Variants in PCDHB9 observed in about 807,000 individuals in gnomAD.
The protein encoded by PCDHB9 is protocadherin beta-9.
For missense variants in PCDHB9, 1,072 were observed against 995.1 expected, an observed-to-expected ratio of 1.08 and a Z score of -1.04; for synonymous variants, 501 against 439.7, an observed-to-expected ratio of 1.14 and a Z score of -1.75.
chr5:141,189,359 G>A lies in PCDHB9; in HGVS notation c.2041G>A (p.Ala681Thr), dbSNP rs782294421. 9 of 1,611,366 alleles carry A rather than the reference G, an allele frequency of 5.6e-6. No individual in the cohort carries two copies. In the Middle Eastern group the frequency reaches 5.7e-4, roughly 102 times the overall value. ...LPLPEAAPAQ[A>T]QADLLTVYLV... ...TCTCCCGGAGGCGGCCCCGGCCCAG[G>A]CCCAGGCCGACTTGCTCACCGTCTA... is the stretch of plus-strand genomic sequence containing the variant. Residue 681 changes from alanine to threonine, a missense_variant, in exon 1 of 1, where the codon GCC becomes ACC. Physicochemically the swap from Ala to Thr is moderately conservative, Grantham distance 58. Coordinates refer to ENST00000316105, the MANE Select transcript of PCDHB9 (RefSeq NM_019119.5).
In PCDHB9 at chr5:141,190,813, G is replaced by A. The variant is rs1353306561; in HGVS notation, c.*1101G>A. ...GTGCCATCCAGTTGAAAAAACAACA[G>A]CAATCACAAAGTAGAGGTTTATATT... On this transcript the variant is annotated 3_prime_UTR_variant, in exon 1 of 1. Transcript: ENST00000316105. 1 of 152,092 alleles carries A rather than the reference G, an allele frequency of 6.6e-6. No individual in the cohort carries two copies. Among genetic ancestry groups the A allele is most frequent in the Non-Finnish European group, 1.5e-5 (1 of 68,042 alleles). The allele number at this position is 152,092 out of a possible 1,614,324, so 9.4% of individuals were successfully genotyped here. A position where few individuals can be genotyped will look rare whatever the true frequency, so the allele number is the denominator to read the frequency against.
rs1753790841 is a variant in PCDHB9 at position 141,188,273 on chromosome 5, A to T, written c.955A>T (p.Ile319Leu). Residue 319 changes from isoleucine (I) to leucine (L), a missense_variant, in exon 1 of 1, where the codon ATA becomes TTA. Physicochemically the swap from Ile to Leu is conservative, Grantham distance 5. Coordinates refer to ENST00000316105, the MANE Select transcript of PCDHB9 (RefSeq NM_019119.5). ...YELVNSYKINIQAMDGGGLSA... is the reference protein window; with the variant it reads ...YELVNSYKINLQAMDGGGLSA... ...GTTAGTAAATTCTTACAAAATAAAT[A>T]TACAGGCAATGGACGGCGGAGGCCT... 1 of 1,614,098 alleles carries T rather than the reference A, an allele frequency of 6.2e-7. No homozygotes were observed. Among genetic ancestry groups the T allele is most frequent in the African/African-American group, 1.3e-5 (1 of 75,060 alleles).
In PCDHB9 at chr5:141,188,349, C is replaced by T. The variant is rs782554981; in HGVS notation, c.1031C>T (p.Pro344Leu). The T allele has an allele frequency of 1.2e-6, 2 of 1,614,076 alleles. No individual in the cohort carries two copies. The highest frequency in any genetic ancestry group is 1.1e-5 in the South Asian group (1 of 91,080). The part of the protein sequence containing the change: ...LIKVLDSNDN[P>L]PELIISSLSN... ...AAAGTATTAGATTCCAATGACAATC[C>T]TCCTGAACTGATCATATCATCACTT... is the stretch of plus-strand genomic sequence containing the variant. The change falls in exon 1 of 1, where the codon CCT (proline) becomes CTT (leucine). Residue 344 changes from proline (P) to leucine (L), a missense_variant. By Grantham distance (98) the Pro-to-Leu change is moderately conservative. Transcript: ENST00000316105.
At position 141,187,530 on chromosome 5, in the gene PCDHB9, A is replaced by G. The variant is rs1554282812; in HGVS notation, c.212A>G (p.Asn71Ser). Residue 71 changes from asparagine to serine, a missense_variant, in exon 1 of 1, where the codon AAC (asparagine) becomes AGC (serine). Asn to Ser is a conservative substitution (Grantham distance 46, BLOSUM62 1). Transcript: ENST00000316105. ...GGAACCAGGGTGGTTTCCGATGATA[A>G]CAAACAATACCTGCTCCTGGATTCA... ...ARGTRVVSDDNKQYLLLDSHT... is the reference protein window; with the variant it reads ...ARGTRVVSDDSKQYLLLDSHT... 4 of 1,608,818 alleles carry G rather than the reference A, an allele frequency of 2.5e-6. No homozygotes were observed. The highest frequency in any genetic ancestry group is 2.2e-5 in the South Asian group (2 of 90,876).
chr5:141,189,273 G>T lies in PCDHB9; in HGVS notation c.1955G>T (p.Arg652Leu), dbSNP rs782383850. 4 of 1,608,042 alleles carry T rather than the reference G, an allele frequency of 2.5e-6. No individual in the cohort carries two copies. The highest frequency in any genetic ancestry group is 1.7e-5 in the Admixed American group (1 of 60,012). The change falls in exon 1 of 1, where the codon CGC becomes CTC. Residue 652 changes from arginine to leucine, a missense_variant. By Grantham distance (102) the Arg-to-Leu change is moderately radical. Coordinates refer to ENST00000316105, the MANE Select transcript of PCDHB9 (RefSeq NM_019119.5). Reference protein sequence around the residue: ...VLVKDNGEPPRSATATLHVLL... With the variant: ...VLVKDNGEPPLSATATLHVLL... ...GTCAAGGACAATGGCGAGCCTCCTCGCTCGGCCACCGCCACGCTGCACGTG... is the reference window on the plus strand; with the variant it reads ...GTCAAGGACAATGGCGAGCCTCCTCTCTCGGCCACCGCCACGCTGCACGTG...
In PCDHB9 at chr5:141,187,671, G is replaced by A. The variant is rs371641241; in HGVS notation, c.353G>A (p.Arg118Gln). 1 of 1,613,930 alleles carries A rather than the reference G, an allele frequency of 6.2e-7. No individual in the cohort carries two copies. Among genetic ancestry groups the A allele is most frequent in the Non-Finnish European group, 8.5e-7 (1 of 1,180,024 alleles). The change falls in exon 1 of 1, where the codon CGG becomes CAG. Residue 118 changes from arginine to glutamine, a missense_variant. Physicochemically the swap from Arg to Gln is conservative, Grantham distance 43. Transcript: ENST00000316105. Reference sequence around the variant, plus strand: ...ATGGATGATCCCTTTCAGATTTACCGGGCTGAGCTGAGAGTCAGGGATATA... The same window carrying A: ...ATGGATGATCCCTTTCAGATTTACCAGGCTGAGCTGAGAGTCAGGGATATA... Reference protein sequence around the residue: ...ILMDDPFQIYRAELRVRDIND... With the variant: ...ILMDDPFQIYQAELRVRDIND...
Position 141,187,993 on chromosome 5 carries a change from C to G in PCDHB9, c.675C>G (p.Thr225=). The G allele has an allele frequency of 6.2e-6, 10 of 1,614,044 alleles. No individual in the cohort carries two copies. Among genetic ancestry groups the G allele is most frequent in the Non-Finnish European group, 8.5e-6 (10 of 1,179,984 alleles). Residue 225 remains threonine, a synonymous_variant, in exon 1 of 1, where the codon ACC becomes ACG. Transcript: ENST00000316105. ...LDGGSPSRSG[T]STIRIVVLDV... is the part of the protein sequence containing the mutation. ...GTGGGTCTCCATCCAGGTCTGGGAC[C>G]TCCACTATACGCATTGTGGTCTTGG...
chr5:141,188,243 T>G lies in PCDHB9; in HGVS notation c.925T>G (p.Tyr309Asp). The G allele has an allele frequency of 6.2e-7, 1 of 1,613,970 alleles. No homozygotes were observed. The highest frequency in any genetic ancestry group is 1.1e-5 in the South Asian group (1 of 91,004). ...GEIFLRELLD[Y>D]ELVNSYKINI... Reference sequence around the variant, plus strand: ...AATCTTTCTCAGAGAATTGCTTGATTATGAGTTAGTAAATTCTTACAAAAT... The same window carrying G: ...AATCTTTCTCAGAGAATTGCTTGATGATGAGTTAGTAAATTCTTACAAAAT... Residue 309 changes from tyrosine to aspartate, a missense_variant, in exon 1 of 1, where the codon TAT becomes GAT. Physicochemically the swap from Tyr to Asp is radical, Grantham distance 160 (BLOSUM62 -3). Coordinates refer to ENST00000316105, the MANE Select transcript of PCDHB9 (RefSeq NM_019119.5).
In PCDHB9 at chr5:141,189,652, G is replaced by A. The variant is rs371756368; in HGVS notation, c.2334G>A (p.Arg778=). 6.2e-7 allele frequency: 1 copy of A among 1,613,616 alleles called. No individual in the cohort carries two copies. The highest frequency in any genetic ancestry group is 1.1e-5 in the South Asian group (1 of 91,056). ...TTACCCCCCACCTCCCGCCCCATAG[G>A]GGTGGGAAAGAAATAGAGGAAAATT... ...KPITPHLPPH[R]GGKEIEENST... Residue 778 remains arginine, a synonymous_variant, in exon 1 of 1, where the codon AGG becomes AGA. Coordinates refer to ENST00000316105, the MANE Select transcript of PCDHB9 (RefSeq NM_019119.5).
rs1275723772 is a variant in PCDHB9 at position 141,187,268 on chromosome 5, A to G, written c.-51A>G. 6 of 1,550,952 alleles carry G rather than the reference A, an allele frequency of 3.9e-6. No individual in the cohort carries two copies. In the African/African-American group the frequency reaches 6.9e-5, roughly 18 times the overall value. ...ACATAAGTCTGGGTTTGCGATTGCT[A>G]TTTGTGCTGGGGCAGTGTGATTGAG... On this transcript the variant is annotated 5_prime_UTR_variant, in exon 1 of 1. Coordinates refer to ENST00000316105, the MANE Select transcript of PCDHB9 (RefSeq NM_019119.5).
Position 141,189,526 on chromosome 5 carries a change from G to C in PCDHB9, c.2208G>C (p.Leu736=), listed in dbSNP as rs376459199. 109 of 1,614,140 alleles carry C rather than the reference G, an allele frequency of 6.8e-5. No individual in the cohort carries two copies. The highest frequency in any genetic ancestry group is 3.3e-4 in the Admixed American group (20 of 60,032). Residue 736 remains leucine, a synonymous_variant, in exon 1 of 1, where the codon CTG becomes CTC. Coordinates refer to ENST00000316105, the MANE Select transcript of PCDHB9 (RefSeq NM_019119.5). ...SVPEGPFPGH[L]VDVSGTGTLF... The stretch of plus-strand genomic sequence containing the variant: ...CCGAGGGTCCTTTTCCAGGGCATCT[G>C]GTGGACGTGAGCGGCACCGGGACCC...
Position 141,189,457 on chromosome 5 carries a change from G to A in PCDHB9, c.2139G>A (p.Leu713=), listed in dbSNP as rs1554283363. The change falls in exon 1 of 1, where the codon CTG becomes CTA. Residue 713 remains leucine, a synonymous_variant. Transcript: ENST00000316105. ...LSVLLFVAVR[L]CRRSRAASVG... is the part of the protein sequence containing the mutation. ...TGCTCCTGTTCGTGGCGGTGCGGCT[G>A]TGCAGGAGGAGCAGGGCGGCCTCGG... 2 of 1,612,532 alleles carry A rather than the reference G, an allele frequency of 1.2e-6. No homozygotes were observed. Among genetic ancestry groups the A allele is most frequent in the East Asian group, 4.5e-5 (2 of 44,852 alleles).
rs782564386 is a variant in PCDHB9, at chr5:141,189,406, G to C, written c.2088G>C (p.Ser696=). The part of the protein sequence containing the change: ...LTVYLVVALA[S]VSSLFLLSVL... ...TCTACCTGGTGGTGGCGTTGGCCTCGGTGTCTTCGCTCTTCCTCCTCTCGG... is the reference window on the plus strand; with the variant it reads ...TCTACCTGGTGGTGGCGTTGGCCTCCGTGTCTTCGCTCTTCCTCCTCTCGG... The change falls in exon 1 of 1, where the codon TCG becomes TCC. Residue 696 remains serine, a synonymous_variant. Transcript: ENST00000316105. The C allele has an allele frequency of 6.2e-6, 10 of 1,611,374 alleles. No homozygotes were observed. The highest frequency in any genetic ancestry group is 7.6e-6 in the Non-Finnish European group (9 of 1,179,728).
Position 141,189,259 on chromosome 5 carries a change from T to C in PCDHB9, c.1941T>C (p.Asn647=). Residue 647 remains asparagine (N), a synonymous_variant, in exon 1 of 1, where the codon AAT becomes AAC. Transcript: ENST00000316105. ...KHRLVVLVKD[N]GEPPRSATAT... is the part of the protein sequence containing the mutation. Reference sequence around the variant, plus strand: ...GGCTGGTGGTGCTTGTCAAGGACAATGGCGAGCCTCCTCGCTCGGCCACCG... The same window carrying C: ...GGCTGGTGGTGCTTGTCAAGGACAACGGCGAGCCTCCTCGCTCGGCCACCG... The C allele has an allele frequency of 1.9e-6, 3 of 1,607,698 alleles. No homozygotes were observed. Among genetic ancestry groups the C allele is most frequent in the Middle Eastern group, 2.2e-4 (1 of 4,496 alleles).
chr5:141,187,892 C>T lies in PCDHB9; in HGVS notation c.574C>T (p.Pro192Ser). 3 of 1,614,136 alleles carry T rather than the reference C, an allele frequency of 1.9e-6. No individual in the cohort carries two copies. Among genetic ancestry groups the T allele is most frequent in the Non-Finnish European group, 2.5e-6 (3 of 1,180,020 alleles). ...ISGSDEGMIYPELVLDKALDR... is the reference protein window; with the variant it reads ...ISGSDEGMIYSELVLDKALDR... ...TGGCAGTGATGAAGGCATGATATATCCAGAGCTAGTGTTGGACAAAGCACT... is the reference window on the plus strand; with the variant it reads ...TGGCAGTGATGAAGGCATGATATATTCAGAGCTAGTGTTGGACAAAGCACT... Residue 192 changes from proline (P) to serine (S), a missense_variant, in exon 1 of 1, where the codon CCA (proline) becomes TCA (serine). Pro to Ser is a moderately conservative substitution (Grantham distance 74, BLOSUM62 -1). Coordinates refer to ENST00000316105, the MANE Select transcript of PCDHB9 (RefSeq NM_019119.5).
rs782694587 is a variant in PCDHB9 at position 141,187,311 on chromosome 5, A to G, written c.-8A>G. ...TGATTGAGACTGACATTGAGGAAAGAAGCAGCTATGAAGACCAGGGGGTTC... is the reference window on the plus strand; with the variant it reads ...TGATTGAGACTGACATTGAGGAAAGGAGCAGCTATGAAGACCAGGGGGTTC... On this transcript the variant is annotated 5_prime_UTR_variant, in exon 1 of 1. Transcript: ENST00000316105. The G allele has an allele frequency of 6.2e-7, 1 of 1,610,492 alleles. No individual in the cohort carries two copies. Among genetic ancestry groups the G allele is most frequent in the Non-Finnish European group, 8.5e-7 (1 of 1,178,190 alleles).
At position 141,189,279 on chromosome 5, in the gene PCDHB9, C is replaced by T. The variant is rs375022256; in HGVS notation, c.1961C>T (p.Ala654Val). ...GACAATGGCGAGCCTCCTCGCTCGG[C>T]CACCGCCACGCTGCACGTGCTCCTG... ...VKDNGEPPRS[A>V]TATLHVLLVD... Residue 654 changes from alanine to valine, a missense_variant, in exon 1 of 1, where the codon GCC (alanine) becomes GTC (valine). Ala to Val is a moderately conservative substitution (Grantham distance 64). Transcript: ENST00000316105. 8.1e-6 allele frequency: 13 copies of T among 1,608,242 alleles called. No homozygotes were observed. Among genetic ancestry groups the T allele is most frequent in the African/African-American group, 6.7e-5 (5 of 74,854 alleles).
chr5:141,187,522 C>CG lies in PCDHB9; in HGVS notation c.205dup (p.Asp69GlyfsTer2). 6.2e-7 allele frequency: 1 copy of CG among 1,608,754 alleles called. No individual in the cohort carries two copies. Among genetic ancestry groups the CG allele is most frequent in the Non-Finnish European group, 8.5e-7 (1 of 1,176,462 alleles). The stretch of plus-strand genomic sequence containing the variant: ...CTGCAAGGGGAACCAGGGTGGTTTC[C>CG]GATGATAACAAACAATACCTGCTCC... On this transcript the variant is annotated frameshift_variant, in exon 1 of 1. Transcript: ENST00000316105. LOFTEE classifies it low-confidence loss of function (END_TRUNC).
rs1406062763 is a variant in PCDHB9 at position 141,188,757 on chromosome 5, C to T, written c.1439C>T (p.Ser480Leu). Residue 480 changes from serine to leucine, a missense_variant, in exon 1 of 1, where the codon TCA (serine) becomes TTA (leucine). By Grantham distance (145) the Ser-to-Leu change is moderately radical. Transcript: ENST00000316105. ...AGTGTCAGCGCCACAGACAGAGACT[C>T]AGGCACCAACGCCCAGGTCACCTAC... ...IGSVSATDRD[S>L]GTNAQVTYSL... is the part of the protein sequence containing the mutation. 1.2e-5 allele frequency: 19 copies of T among 1,613,052 alleles called. No individual in the cohort carries two copies. Among genetic ancestry groups the T allele is most frequent in the Non-Finnish European group, 1.5e-5 (18 of 1,180,052 alleles).
Sources: gnomAD v4.1 joint callset for allele counts on GRCh38, gnomAD v4.1.1 for gene constraint, MANE v1.5 for transcripts, NCBI Gene and HGNC (gene_info 2026-07-23, HGNC 2026-07-21) for gene names.